The following DDX31 variants were observed in gnomAD, a reference collection of about 807,000 sequenced individuals.
The protein encoded by DDX31 is DEAD-box helicase 31, also known as ATP-dependent DNA helicase DDX31.
Under a neutral mutation model 91.3 loss-of-function variants are expected in DDX31, and 70 were observed. The ratio of observed to expected loss-of-function variants is 0.77; its 90% CI spans 0.63 to 0.94. DDX31 has a LOEUF of 0.94. Ranked by LOEUF, DDX31 falls within the 40% of genes least tolerant of loss-of-function variation. DDX31 has a pLI of 0.00. For synonymous variants in DDX31, 362 were observed against 350.6 expected (o/e 1.03, Z -0.36); for missense variants, 902 against 925.0 (o/e 0.98, Z 0.32).
intron 1 of DDX31, 65 bp downstream of exon 1, chr9:132,669,795 A>T (rs950942558): frequency 6.6e-7 from 1 of 1,521,380 alleles, no homozygotes; most frequent in African/African-American, 1.4e-5. Flanking sequence ...GCACGGCTGC[A>T]GCTCGCGGCG....
Position 132,594,816 on chromosome 9 carries a change from T to C in DDX31, c.*50A>G. 1 of 1,599,760 alleles carries C rather than the reference T, an allele frequency of 6.3e-7. No individual in the cohort carries two copies. Among genetic ancestry groups the C allele is most frequent in the Non-Finnish European group, 8.5e-7 (1 of 1,172,414 alleles). On this transcript the variant is annotated 3_prime_UTR_variant, in exon 20 of 20. Coordinates refer to ENST00000372159, the MANE Select transcript of DDX31 (RefSeq NM_022779.9). ...TCCTCTGACAAGAACTGGACATCAA[T>C]CCACTGCCACCCGGGGCTTCCAGGT... is the stretch of plus-strand genomic sequence containing the variant.
At chr9:132,600,854 C>T (rs1015884482) in intron 19 of DDX31, among the ~76,000 whole-genome samples, 1 of 152,178 alleles carries the variant, frequency 6.6e-6, no homozygotes, top group Non-Finnish European at 1.5e-5. Flanking sequence ...AGAGTCACAG[C>T]AGCTTTCTCC....
chr9:132,664,129 C>G (rs983146133), intron 1 of DDX31, among the ~76,000 whole-genome samples: 6 of 152,228 alleles, frequency 3.9e-5, no homozygotes, highest in African/African-American at 1.4e-4. Context: ...GAAGCTGTCT[C>G]TGACATTTAT....
chr9:132,655,072 T>G (rs1464714671), intron 6 of DDX31, among the ~76,000 whole-genome samples: 1 of 152,090 alleles, frequency 6.6e-6, no homozygotes, highest in Non-Finnish European at 1.5e-5. Flanking sequence ...TCAAGTTTAA[T>G]GTTGGCATTA....
intron 19 of DDX31, among the ~76,000 whole-genome samples, chr9:132,606,731 C>T (rs974778452): frequency 1.3e-5 from 2 of 152,182 alleles, no homozygotes; most frequent in Non-Finnish European, 2.9e-5. Context: ...GGCCAGGATT[C>T]AATCCTGGTG....
At chr9:132,622,796 G>C (rs575484282) in intron 17 of DDX31, among the ~76,000 whole-genome samples, 2 of 152,272 alleles carry the variant, frequency 1.3e-5, no homozygotes, top group South Asian at 2.1e-4. Context: ...CTACTAACTT[G>C]TATGACTACA....
chr9:132,640,200 A>G (rs1833405754), intron 14 of DDX31, among the ~76,000 whole-genome samples: 1 of 152,226 alleles, frequency 6.6e-6, no homozygotes, highest in Non-Finnish European at 1.5e-5. Flanking sequence ...GCATTGGGAC[A>G]GCCCCATGGG....
intron 19 of DDX31, among the ~76,000 whole-genome samples, chr9:132,609,636 C>A (rs1224336774): frequency 6.7e-6 from 1 of 150,068 alleles, no homozygotes; most frequent in Admixed American, 6.6e-5. Flanking sequence ...TTTTTTTCTT[C>A]TTTGAGACAG....
At chr9:132,645,014 C>T (rs1024801111) in intron 13 of DDX31, among the ~76,000 whole-genome samples, 3 of 152,132 alleles carry the variant, frequency 2.0e-5, no homozygotes, top group Admixed American at 6.5e-5. Context: ...CGTGTCAAAC[C>T]TCTAGTGTCC....
At chr9:132,666,944 A>C (rs1218954150) in intron 1 of DDX31, among the ~76,000 whole-genome samples, 1 of 151,784 alleles carries the variant, frequency 6.6e-6, no homozygotes, top group Non-Finnish European at 1.5e-5. Context: ...CGATCTCCTG[A>C]CCTCGTGATC....
At chr9:132,618,560 G>A in intron 17 of DDX31, 119 bp from the exon 18 acceptor site, 1 of 723,826 alleles carries the variant, frequency 1.4e-6, no homozygotes, top group Non-Finnish European at 2.2e-6. Flanking sequence ...GCCAACAAGG[G>A]TAATCCTTTC....
At chr9:132,623,551 C>CAAAAAAAAAAAAAAAAAA (rs34868804) in intron 17 of DDX31, among the ~76,000 whole-genome samples, 14 of 66,450 alleles carry the variant, frequency 2.1e-4, no homozygotes, top group East Asian at 6.3e-4. Context: ...GACTCCATCT[C>CAAAAAAAAAAAAAAAAAA]AAAAAAAAAA....
intron 1 of DDX31, among the ~76,000 whole-genome samples, chr9:132,662,977 G>A (rs577841752): frequency 6.6e-6 from 1 of 152,210 alleles, no homozygotes; most frequent in East Asian, 1.9e-4. Context: ...TAAGGATGAA[G>A]AAGCAGCATT....
chr9:132,625,513 A>C (rs1279387280), intron 17 of DDX31, 151 bp downstream of exon 17: 3 of 652,744 alleles, frequency 4.6e-6, no homozygotes, highest in East Asian at 3.0e-5. Flanking sequence ...AAAAAAAAAA[A>C]CAATCAAGAT....
intron 15 of DDX31, among the ~76,000 whole-genome samples, chr9:132,631,004 G>T (rs117188024): frequency 8.5e-5 from 13 of 152,372 alleles, no homozygotes; most frequent in East Asian, 3.9e-4. Context: ...TGAGGGGCAG[G>T]TTCCCTGCAG....
At chr9:132,648,121 C>A in intron 11 of DDX31, 68 bp downstream of exon 11, 1 of 1,330,304 alleles carries the variant, frequency 7.5e-7, no homozygotes, top group East Asian at 2.3e-5. Context: ...GCAAACAACC[C>A]AGGTTAAATC....
At chr9:132,624,676 A>G (rs762817843) in intron 17 of DDX31, among the ~76,000 whole-genome samples, 7 of 152,152 alleles carry the variant, frequency 4.6e-5, no homozygotes, top group Non-Finnish European at 7.4e-5. Flanking sequence ...TCGGATTGCT[A>G]TAAGATTAAA....
chr9:132,602,669 T>G (rs1350813049), intron 19 of DDX31, among the ~76,000 whole-genome samples: 1 of 152,186 alleles, frequency 6.6e-6, no homozygotes, highest in Non-Finnish European at 1.5e-5. Context: ...CCCCAAAGAA[T>G]AGAAAACATC....
chr9:132,601,506 TG>T (rs1295442892), intron 19 of DDX31, among the ~76,000 whole-genome samples: 2 of 152,196 alleles, frequency 1.3e-5, no homozygotes, highest in Non-Finnish European at 2.9e-5. Context: ...CCATCCATCA[TG>T]GGGGCCAGTG....
Sources: gnomAD v4.1 joint callset for allele counts (sites outside exome capture counted in the v4.1 genomes callset) on GRCh38, gnomAD v4.1.1 for gene constraint, MANE v1.5 for transcripts, NCBI Gene and HGNC (gene_info 2026-07-23, HGNC 2026-07-21) for gene names.